Variants in TENT4A observed in about 807,000 individuals in gnomAD.
The protein encoded by TENT4A is terminal nucleotidyltransferase 4A, also known as DNA polymerase kappa.
A neutral mutation model predicts 72.8 loss-of-function variants in TENT4A; 7 were observed. The ratio of observed to expected loss-of-function variants is 0.10; its 90% confidence interval spans 0.05 to 0.18. The LOEUF is 0.18. Ranked by LOEUF, TENT4A falls within the 10% of genes least tolerant of loss-of-function variation. The pLI is 1.00. For missense variants in TENT4A, 831 were observed against 1,017.7 expected (o/e 0.82, Z 2.50); for synonymous variants, 456 against 434.3 (o/e 1.05, Z -0.62).
chr5:6,724,129 C>A (rs1297122896), intron 1 of TENT4A, among the ~76,000 whole-genome samples: 1 of 152,164 alleles, frequency 6.6e-6, no homozygotes, highest in Non-Finnish European at 1.5e-5. Flanking sequence ...AAGCGTCTTG[C>A]CCAAGGCGCT....
rs541247870 is a variant in TENT4A at position 6,713,842 on chromosome 5, CCCGCCGCCG to C, written c.-124_-116del. 0.02 allele frequency: 3,188 copies of C among 157,182 alleles called. 110 individuals are homozygous for C. Among genetic ancestry groups the C allele is most frequent in the African/African-American group, 0.072 (2,865 of 39,622 alleles). 9.7% of individuals were successfully genotyped at this position (157,182 alleles called of 1,614,324 possible). ...GAGCAGGAGGCCGGGGCTCGGCCCG[CCCGCCGCCG>C]CCGCCGCCGCCGCCGCCACCGGCCC... On this transcript the variant is annotated 5_prime_UTR_variant, in exon 1 of 13. Transcript: ENST00000230859.
Position 6,713,964 on chromosome 5 carries a change from C to A in TENT4A, c.-20C>A. On this transcript the variant is annotated 5_prime_UTR_variant, in exon 1 of 13. Transcript: ENST00000230859. ...CGTCGGGGCGGGCGGGCGCGCGGGC[C>A]CCGCGGGGGCGGCGCGTGGATGGAT... 2.1e-6 allele frequency: 2 copies of A among 962,968 alleles called. No individual in the cohort carries two copies. The highest frequency in any genetic ancestry group is 2.5e-6 in the Non-Finnish European group (2 of 812,532). 59.7% of individuals were successfully genotyped at this position (962,968 alleles called of 1,614,324 possible).
At chr5:6,723,585 C>G (rs1261641210) in intron 1 of TENT4A, among the ~76,000 whole-genome samples, 2 of 152,334 alleles carry the variant, frequency 1.3e-5, no homozygotes, top group East Asian at 3.9e-4. Context: ...CATCTGGGCA[C>G]TTTACTCCTA....
intron 1 of TENT4A, among the ~76,000 whole-genome samples, chr5:6,718,969 G>GAA (rs144135037): frequency 7.1e-6 from 1 of 140,022 alleles, no homozygotes; most frequent in African/African-American, 2.6e-5. Flanking sequence ...CTTTTCGCAG[G>GAA]AAAAAAAAAA....
intron 1 of TENT4A, among the ~76,000 whole-genome samples, chr5:6,725,651 A>C (rs910180740): frequency 6.6e-6 from 1 of 152,194 alleles, no homozygotes; most frequent in South Asian, 2.1e-4. Context: ...ACTAAAACAT[A>C]ATGACATTGT....
rs771646991 is a variant in TENT4A at position 6,748,576 on chromosome 5, C to T, written c.1572C>T (p.Asn524=). 41 of 1,613,200 alleles carry T rather than the reference C, an allele frequency of 2.5e-5. No homozygotes were observed. The highest frequency in any genetic ancestry group is 1.6e-4 in the Middle Eastern group (1 of 6,082). ...AVSPLARSYP[N]RDAESTLGRI... The stretch of plus-strand genomic sequence containing the variant: ...CACCGCTGGCCAGGTCCTATCCAAA[C>T]AGAGACGCCGAAAGGTAATGGGTTG... Residue 524 remains asparagine, a synonymous_variant, in exon 8 of 13, where the codon AAC becomes AAT. Transcript: ENST00000230859.
chr5:6,747,454 TTTG>T (rs1459436000), intron 7 of TENT4A, among the ~76,000 whole-genome samples: 5 of 152,240 alleles, frequency 3.3e-5, no homozygotes, highest in Non-Finnish European at 7.3e-5. Flanking sequence ...AATGGTTGTT[TTTG>T]TTTTATGGCT....
In TENT4A at chr5:6,717,951, A is replaced by G. The variant is rs148245709; in HGVS notation, c.716+3252A>G. ...GGCCACATCCTTACTGGTGTGTTAC[A>G]GAGACCCAGGAAGAATGTAGTTGAA... On this transcript the variant is annotated intron_variant, in intron 1 of 12. Transcript: ENST00000230859. 1.6e-3 allele frequency among the ~76,000 whole-genome samples: 237 copies of G among 152,344 alleles called. 3 individuals carry two copies. The highest frequency in any genetic ancestry group is 5.3e-3 in the African/African-American group (221 of 41,582).
chr5:6,751,338 G>T, intron 11 of TENT4A, 141 bp downstream of exon 11: 1 of 839,302 alleles, frequency 1.2e-6, no homozygotes. Flanking sequence ...TGTTGTTCTA[G>T]GAAATCCTCT....
chr5:6,750,183 T>A (rs371035127), intron 9 of TENT4A, 148 bp from the exon 10 acceptor site: 2 of 491,106 alleles, frequency 4.1e-6, no homozygotes, highest in East Asian at 6.9e-5. Context: ...ATGTAATTTT[T>A]AAAATTAAAT....
intron 1 of TENT4A, among the ~76,000 whole-genome samples, chr5:6,736,348 T>C (rs1741497264): frequency 6.6e-6 from 1 of 152,216 alleles, no homozygotes; most frequent in African/African-American, 2.4e-5. Context: ...ACCTTTGTAC[T>C]CACCCCTGGC....
intron 5 of TENT4A, 32 bp downstream of exon 5, chr5:6,742,629 G>A: frequency 1.6e-6 from 2 of 1,289,782 alleles, no homozygotes; most frequent in Non-Finnish European, 2.3e-6. Flanking sequence ...CGCGGCGAGA[G>A]TGCAGGACTG....
At chr5:6,745,079 G>A (rs1301886075) in intron 6 of TENT4A, among the ~76,000 whole-genome samples, 1 of 152,180 alleles carries the variant, frequency 6.6e-6, no homozygotes, top group Non-Finnish European at 1.5e-5. Context: ...CTGCCTCAGC[G>A]GTGTGACTGT....
intron 1 of TENT4A, among the ~76,000 whole-genome samples, chr5:6,728,835 G>A (rs1026843858): frequency 3.9e-5 from 6 of 152,214 alleles, no homozygotes; most frequent in Non-Finnish European, 7.3e-5. Context: ...GATTATAAAA[G>A]CAATGATGAC....
Position 6,755,088 on chromosome 5 carries a change from C to T in TENT4A, c.*143C>T. 2 of 613,270 alleles carry T rather than the reference C, an allele frequency of 3.3e-6. No homozygotes were observed. Among genetic ancestry groups the T allele is most frequent in the Non-Finnish European group, 5.3e-6 (2 of 376,228 alleles). 38.0% of individuals were successfully genotyped at this position (613,270 alleles called of 1,614,324 possible). A position where few individuals can be genotyped will look rare whatever the true frequency, so the allele number is the denominator to read the frequency against. On this transcript the variant is annotated 3_prime_UTR_variant, in exon 13 of 13. Coordinates refer to ENST00000230859, the MANE Select transcript of TENT4A (RefSeq NM_006999.6). ...CCGCTGATCACTCTGCATGTTTCTT[C>T]GTGTGGTGGTCGCGTCCATCTTCAA...
At chr5:6,738,869 G>T in intron 3 of TENT4A, 140 bp downstream of exon 3, 1 of 682,386 alleles carries the variant, frequency 1.5e-6, no homozygotes, top group Non-Finnish European at 2.6e-6. Flanking sequence ...GGTTACAGAG[G>T]GAAATTGGCA....
At position 6,754,978 on chromosome 5, in the gene TENT4A, T is replaced by A. The variant is rs771231370; in HGVS notation, c.*33T>A. 31 of 1,528,116 alleles carry A rather than the reference T, an allele frequency of 2.0e-5. No individual in the cohort carries two copies. Among genetic ancestry groups the A allele is most frequent in the Non-Finnish European group, 2.6e-5 (29 of 1,128,384 alleles). 94.7% of individuals were successfully genotyped at this position (1,528,116 alleles called of 1,614,324 possible). Reference sequence around the variant, plus strand: ...TGGCTGCGTCAGCCTCCCCCACCCCTCTGCAGACTGCCCCGCGGCCTCGGC... The same window carrying A: ...TGGCTGCGTCAGCCTCCCCCACCCCACTGCAGACTGCCCCGCGGCCTCGGC... On this transcript the variant is annotated 3_prime_UTR_variant, in exon 13 of 13. Coordinates refer to ENST00000230859, the MANE Select transcript of TENT4A (RefSeq NM_006999.6).
intron 1 of TENT4A, among the ~76,000 whole-genome samples, chr5:6,721,182 C>G (rs976357351): frequency 5.3e-5 from 8 of 152,122 alleles, no homozygotes; most frequent in Non-Finnish European, 8.8e-5. Flanking sequence ...ACGGTAGCCA[C>G]TAAGTAAGTA....
intron 2 of TENT4A, 98 bp downstream of exon 2, chr5:6,737,731 T>G: frequency 7.4e-7 from 1 of 1,350,018 alleles, no homozygotes; most frequent in Admixed American, 2.8e-5. Flanking sequence ...CACAGACCTT[T>G]TCTCGTTGGC....
Sources: gnomAD v4.1 joint callset for allele counts (sites outside exome capture counted in the v4.1 genomes callset) on GRCh38, gnomAD v4.1.1 for gene constraint, MANE v1.5 for transcripts, NCBI Gene and HGNC (gene_info 2026-07-23, HGNC 2026-07-21) for gene names.